CTTNBP2: variants seen among roughly 807,000 people sequenced by gnomAD.
CTTNBP2 encodes cortactin-binding protein 2.
Under a neutral mutation model 156.9 loss-of-function variants are expected in CTTNBP2, and 108 were observed. The ratio of observed to expected loss-of-function variants is 0.69; its 90% confidence interval spans 0.59 to 0.81. CTTNBP2 has a LOEUF of 0.81. Ranked by LOEUF, CTTNBP2 falls within the 30% of genes least tolerant of loss-of-function variation. The probability of loss-of-function intolerance (pLI) is 0.00; values close to 1 mark genes in which losing one functional copy is unlikely to be tolerated. For missense variants in CTTNBP2, 1,924 were observed against 2,035.4 expected (o/e 0.95, Z 1.05); for synonymous variants, 767 against 751.8 (o/e 1.02, Z -0.33).
In CTTNBP2 at chr7:117,784,213, T is replaced by C. The variant is rs747405909; in HGVS notation, c.2272+38A>G. Reference sequence around the variant, plus strand: ...TACATGGGCTTTTGACTTTCCATCCTTTTGCAAGTGTGTGGTATAAGATCT... The same window carrying C: ...TACATGGGCTTTTGACTTTCCATCCCTTTGCAAGTGTGTGGTATAAGATCT... On this transcript the variant is annotated intron_variant, in intron 5 of 22. Coordinates refer to ENST00000160373, the MANE Select transcript of CTTNBP2 (RefSeq NM_033427.3). The C allele has an allele frequency of 6.8e-6, 10 of 1,465,700 alleles. No homozygotes were observed. The South Asian group carries it at 9.7e-5, about 14-fold the overall frequency. 90.8% of individuals were successfully genotyped at this position (1,465,700 alleles called of 1,614,324 possible).
chr7:117,843,608 T>C (rs1377367610), intron 2 of CTTNBP2, among the ~76,000 whole-genome samples: 1 of 152,110 alleles, frequency 6.6e-6, no homozygotes, highest in East Asian at 1.9e-4. Context: ...GAGAGGTAGA[T>C]TATGCAGCCT....
chr7:117,838,424 T>G (rs1802076704), intron 2 of CTTNBP2, among the ~76,000 whole-genome samples: 2 of 152,218 alleles, frequency 1.3e-5, no homozygotes, highest in South Asian at 2.1e-4. Flanking sequence ...TGTGGTTATG[T>G]GACACCTTGT....
At chr7:117,854,728 T>C (rs1442594393) in intron 2 of CTTNBP2, among the ~76,000 whole-genome samples, 4 of 152,200 alleles carry the variant, frequency 2.6e-5, no homozygotes, top group African/African-American at 7.2e-5. Context: ...ATGCAACGTA[T>C]TTGAATAGTT....
intron 2 of CTTNBP2, among the ~76,000 whole-genome samples, chr7:117,833,548 C>T (rs1337635683): frequency 6.6e-6 from 1 of 152,058 alleles, no homozygotes; most frequent in African/African-American, 2.4e-5. Flanking sequence ...TCAAGAGCCA[C>T]AGTGTCTAGA....
At chr7:117,740,923 C>T (rs527961159) in intron 14 of CTTNBP2, among the ~76,000 whole-genome samples, 1 of 152,150 alleles carries the variant, frequency 6.6e-6, no homozygotes, top group Non-Finnish European at 1.5e-5. Flanking sequence ...ACTGAGAAGA[C>T]GGCAGTGGAG....
intron 1 of CTTNBP2, among the ~76,000 whole-genome samples, chr7:117,869,018 T>C (rs938164296): frequency 5.3e-5 from 8 of 152,156 alleles, no homozygotes; most frequent in Non-Finnish European, 1.0e-4. Context: ...CACACCCCAA[T>C]GGGTGATGTG....
At chr7:117,773,648 AAC>A (rs71528190) in intron 8 of CTTNBP2, among the ~76,000 whole-genome samples, 9,630 of 94,870 alleles carry the variant, frequency 0.1, 473 homozygotes, top group Admixed American at 0.13. Context: ...GCTTAGAGTT[AAC>A]ACACACACAC....
intron 8 of CTTNBP2, among the ~76,000 whole-genome samples, chr7:117,775,193 A>G (rs1157878972): frequency 6.6e-6 from 1 of 152,190 alleles, no homozygotes; most frequent in Non-Finnish European, 1.5e-5. Flanking sequence ...GGGCTTAAAA[A>G]ATATATTAAT....
At chr7:117,738,095 G>C (rs928088380) in intron 14 of CTTNBP2, among the ~76,000 whole-genome samples, 2 of 152,216 alleles carry the variant, frequency 1.3e-5, no homozygotes, top group African/African-American at 4.8e-5. Context: ...TCACAGCTGC[G>C]GAAGGCAGGC....
intron 2 of CTTNBP2, among the ~76,000 whole-genome samples, chr7:117,832,855 T>C (rs1584511038): frequency 6.8e-6 from 1 of 146,576 alleles, no homozygotes; most frequent in South Asian, 2.4e-4. Flanking sequence ...CAAGCAATTC[T>C]CCTGCCTCAG....
chr7:117,843,261 T>C (rs926240783), intron 2 of CTTNBP2, among the ~76,000 whole-genome samples: 6 of 152,190 alleles, frequency 3.9e-5, no homozygotes, highest in African/African-American at 1.4e-4. Context: ...GATTTCAGTG[T>C]TCTAGGGGGT....
chr7:117,852,759 A>G (rs1029467738), intron 2 of CTTNBP2, among the ~76,000 whole-genome samples: 1 of 152,210 alleles, frequency 6.6e-6, no homozygotes, highest in Non-Finnish European at 1.5e-5. Flanking sequence ...TTCAATTTCT[A>G]TGCAGCTTTT....
At chr7:117,850,157 C>T (rs1253105389) in intron 2 of CTTNBP2, among the ~76,000 whole-genome samples, 4 of 152,226 alleles carry the variant, frequency 2.6e-5, no homozygotes, top group Admixed American at 6.5e-5. Flanking sequence ...GTTTATGTCT[C>T]TTCACCTTGA....
At chr7:117,867,561 C>A (rs1177353691) in intron 1 of CTTNBP2, among the ~76,000 whole-genome samples, 1 of 151,870 alleles carries the variant, frequency 6.6e-6, no homozygotes, top group Non-Finnish European at 1.5e-5. Flanking sequence ...ACCATATACA[C>A]TTTGGGTATA....
chr7:117,868,738 G>A (rs905337282), intron 1 of CTTNBP2, among the ~76,000 whole-genome samples: 2 of 152,158 alleles, frequency 1.3e-5, no homozygotes, highest in Non-Finnish European at 2.9e-5. Context: ...AGAGAATAAT[G>A]TAATCGAGTA....
intron 12 of CTTNBP2, among the ~76,000 whole-genome samples, chr7:117,749,378 G>T (rs1260509151): frequency 6.6e-6 from 1 of 152,084 alleles, no homozygotes; most frequent in Non-Finnish European, 1.5e-5. Context: ...AAACTCCTGG[G>T]TCTAGCAATG....
At chr7:117,831,528 T>G (rs2117078827) in intron 2 of CTTNBP2, among the ~76,000 whole-genome samples, 1 of 152,272 alleles carries the variant, frequency 6.6e-6, no homozygotes, top group African/African-American at 2.4e-5. Flanking sequence ...CCATTATTTC[T>G]CAATACTGTG....
intron 8 of CTTNBP2, among the ~76,000 whole-genome samples, chr7:117,773,235 A>G (rs372651100): frequency 1.5e-4 from 23 of 152,268 alleles, no homozygotes; most frequent in Middle Eastern, 3.4e-3. Flanking sequence ...GTTGCATCCA[A>G]TTCCTAGGAA....
At chr7:117,782,500 A>T (rs933694495) in intron 6 of CTTNBP2, among the ~76,000 whole-genome samples, 1 of 152,210 alleles carries the variant, frequency 6.6e-6, no homozygotes, top group Non-Finnish European at 1.5e-5. Flanking sequence ...TAGTGACATC[A>T]TAAGTAAAAA....
Sources: gnomAD v4.1 joint callset for allele counts (sites outside exome capture counted in the v4.1 genomes callset) on GRCh38, gnomAD v4.1.1 for gene constraint, MANE v1.5 for transcripts, NCBI Gene and HGNC (gene_info 2026-07-23, HGNC 2026-07-21) for gene names.